RECQL5: variants seen among roughly 807,000 people sequenced by gnomAD.
RECQL5 encodes ATP-dependent DNA helicase Q5.
Under a neutral mutation model 103.4 loss-of-function variants are expected in RECQL5, and 88 were observed. The observed-to-expected ratio is 0.85, with a 90% CI of 0.72 to 1.02. The LOEUF (loss-of-function observed/expected upper bound fraction) is 1.02. RECQL5 is among the 50% of genes least tolerant of loss of function. The probability of loss-of-function intolerance (pLI) is 0.00; values close to 1 mark genes in which losing one functional copy is unlikely to be tolerated. For synonymous variants in RECQL5, 552 were observed against 507.9 expected, an observed-to-expected ratio of 1.09 and a Z score of -1.17; for missense variants, 1,232 against 1,284.3, an observed-to-expected ratio of 0.96 and a Z score of 0.62.
intron 7 of RECQL5, among the ~76,000 whole-genome samples, chr17:75,657,554 A>G (rs1449120967): frequency 6.6e-6 from 1 of 152,102 alleles, no homozygotes; most frequent in East Asian, 1.9e-4. Flanking sequence ...TCATGAGACC[A>G]GTCTGGGCAC....
chr17:75,663,393 T>C (rs1013497207), intron 3 of RECQL5, among the ~76,000 whole-genome samples: 1 of 151,868 alleles, frequency 6.6e-6, no homozygotes, highest in South Asian at 2.1e-4. Flanking sequence ...AAAAAATATA[T>C]ATTAAAAATA....
intron 8 of RECQL5, among the ~76,000 whole-genome samples, chr17:75,635,405 A>T (rs1420683736): frequency 6.6e-6 from 1 of 152,166 alleles, no homozygotes; most frequent in Non-Finnish European, 1.5e-5. Flanking sequence ...TCTCCAACAC[A>T]GTCCCTGAAC....
Position 75,628,272 on chromosome 17 carries a change from A to T in RECQL5, c.2751T>A (p.Asn917Lys). The part of the protein sequence containing the change: ...APGVSLKEAA[N>K]VVVKCLTPFY... The stretch of plus-strand genomic sequence containing the variant: ...AAGGGGTGAGGCACTTGACCACAAC[A>T]TTTGCAGCCTCCTTCAAGGAGACGC... Residue 917 changes from asparagine (N) to lysine (K), a missense_variant, in exon 18 of 20, where the codon AAT (asparagine) becomes AAA (lysine). By Grantham distance (94) the Asn-to-Lys change is moderately conservative. Coordinates refer to ENST00000317905, the MANE Select transcript of RECQL5 (RefSeq NM_004259.7). The T allele has an allele frequency of 6.2e-7, 1 of 1,614,052 alleles. No homozygotes were observed. The highest frequency in any genetic ancestry group is 8.5e-7 in the Non-Finnish European group (1 of 1,180,012).
chr17:75,664,545 T>G (rs1181461674), intron 3 of RECQL5, among the ~76,000 whole-genome samples: 1 of 152,124 alleles, frequency 6.6e-6, no homozygotes. Flanking sequence ...CAGAGTGATA[T>G]GCACCAGTGG....
At chr17:75,629,543 A>G in intron 15 of RECQL5, 68 bp from the exon 16 acceptor site, 1 of 1,498,394 alleles carries the variant, frequency 6.7e-7, no homozygotes, top group Non-Finnish European at 8.9e-7. Context: ...CGCTGGCTGG[A>G]GCAGTAACTC....
In RECQL5 at chr17:75,635,697, AC is replaced by A. The variant is rs1054766299; in HGVS notation, c.1230-4030del. 24 of 706,416 alleles carry A rather than the reference AC, an allele frequency of 3.4e-5. No homozygotes were observed. The African/African-American group carries it at 4.6e-4, about 14-fold the overall frequency. The allele number at this position is 706,416 out of a possible 1,614,324, so 43.8% of individuals were successfully genotyped here. On this transcript the variant is annotated intron_variant, in intron 8 of 19. Coordinates refer to ENST00000317905, the MANE Select transcript of RECQL5 (RefSeq NM_004259.7). ...GTCAGTTATGCCTCCTTCTAGGTGG[AC>A]CTCAAACGAGATAATGCCCAACAGG...
At chr17:75,641,034 G>A in intron 8 of RECQL5, 1 of 1,418,812 alleles carries the variant, frequency 7.0e-7, no homozygotes, top group Non-Finnish European at 9.3e-7. Context: ...CCAGGTACCT[G>A]GACACTGACA....
In RECQL5 at chr17:75,629,759, C is replaced by T. The variant is rs375763392; in HGVS notation, c.1896G>A (p.Glu632=). 3 of 1,613,430 alleles carry T rather than the reference C, an allele frequency of 1.9e-6. No individual in the cohort carries two copies. Among genetic ancestry groups the T allele is most frequent in the Non-Finnish European group, 1.7e-6 (2 of 1,179,766 alleles). The change falls in exon 15 of 20, where the codon GAG becomes GAA. Residue 632 remains glutamate, a synonymous_variant. Coordinates refer to ENST00000317905, the MANE Select transcript of RECQL5 (RefSeq NM_004259.7). ...GSAKSCSAQA[E]PPEPNEYDIP... ...TGTCATACTCATTGGGCTCCGGGGG[C>T]TCAGCTTGGGCACTGCAGCTCTTGG... is the stretch of plus-strand genomic sequence containing the variant.
At position 75,626,883 on chromosome 17, in the gene RECQL5, C is replaced by T; in HGVS notation, c.*539G>A. 2.7e-6 allele frequency: 1 copy of T among 372,534 alleles called. No individual in the cohort carries two copies. The highest frequency in any genetic ancestry group is 6.4e-5 in the East Asian group (1 of 15,558). The allele number at this position is 372,534 out of a possible 1,614,324, so 23.1% of individuals were successfully genotyped here. A position where few individuals can be genotyped will look rare whatever the true frequency, so the allele number is the denominator to read the frequency against. On this transcript the variant is annotated 3_prime_UTR_variant, in exon 20 of 20. Transcript: ENST00000317905. Reference sequence around the variant, plus strand: ...TGCACGCCTGCATGCCCCACAACAACACAACTTTATTCCTCTCCCAAACAT... The same window carrying T: ...TGCACGCCTGCATGCCCCACAACAATACAACTTTATTCCTCTCCCAAACAT...
At chr17:75,649,938 T>A in intron 8 of RECQL5, 3 of 985,582 alleles carry the variant, frequency 3.0e-6, no homozygotes, top group Non-Finnish European at 3.6e-6. Context: ...CAGAGGCCCT[T>A]GGGAGGACCT....
intron 8 of RECQL5, among the ~76,000 whole-genome samples, chr17:75,644,216 A>C (rs771569448): frequency 2.6e-5 from 4 of 152,064 alleles, no homozygotes; most frequent in Non-Finnish European, 4.4e-5. Flanking sequence ...GAAGCAGGAG[A>C]ATTGCTTGAA....
In RECQL5 at chr17:75,631,613, T is replaced by C; in HGVS notation, c.1285A>G (p.Lys429Glu). The C allele has an allele frequency of 6.2e-7, 1 of 1,612,620 alleles. No individual in the cohort carries two copies. The highest frequency in any genetic ancestry group is 8.5e-7 in the Non-Finnish European group (1 of 1,179,850). The change falls in exon 9 of 20, where the codon AAA becomes GAA. Residue 429 changes from lysine (K) to glutamate (E), a missense_variant. Transcript: ENST00000317905. ...YFGDALPACAKGCDHCQNPTA... is the reference protein window; with the variant it reads ...YFGDALPACAEGCDHCQNPTA... Reference sequence around the variant, plus strand: ...GGGTTCTGGCAGTGGTCGCAGCCTTTGGCGCAGGCAGGCAGCGCATCCCCG... The same window carrying C: ...GGGTTCTGGCAGTGGTCGCAGCCTTCGGCGCAGGCAGGCAGCGCATCCCCG...
intron 7 of RECQL5, among the ~76,000 whole-genome samples, chr17:75,654,850 T>C (rs1323688313): frequency 1.3e-5 from 2 of 152,166 alleles, no homozygotes; most frequent in Non-Finnish European, 2.9e-5. Flanking sequence ...TGGAGTGCAA[T>C]GGTATGATCT....
In RECQL5 at chr17:75,640,466, G is replaced by A. The variant is rs1348530332; in HGVS notation, c.1230-8798C>T. 1.9e-5 allele frequency: 26 copies of A among 1,336,816 alleles called. No homozygotes were observed. The Middle Eastern group carries it at 8.5e-4, about 44-fold the overall frequency. The allele number at this position is 1,336,816 out of a possible 1,614,324, so 82.8% of individuals were successfully genotyped here. A position where few individuals can be genotyped will look rare whatever the true frequency, so the allele number is the denominator to read the frequency against. On this transcript the variant is annotated intron_variant, in intron 8 of 19. Transcript: ENST00000317905. The surrounding 1 kb of genome is among the most constrained non-coding windows in gnomAD (Gnocchi z 4.6). ...GAAAACCAGTTGTCCCTTGGGGGAA[G>A]CCAAGGGACTTCCCTCATCCTCTGA... is the stretch of plus-strand genomic sequence containing the variant.
At chr17:75,656,579 T>G (rs944744477) in intron 7 of RECQL5, among the ~76,000 whole-genome samples, 3 of 152,120 alleles carry the variant, frequency 2.0e-5, no homozygotes, top group African/African-American at 7.2e-5. Flanking sequence ...CTTTAAACTA[T>G]TTCTCTTATA....
At chr17:75,633,114 C>T (rs1451713512) in intron 8 of RECQL5, among the ~76,000 whole-genome samples, 2 of 152,370 alleles carry the variant, frequency 1.3e-5, no homozygotes, top group East Asian at 1.9e-4. Flanking sequence ...CCTGCCCCCA[C>T]TCTGCTCCAA....
intron 8 of RECQL5, chr17:75,649,707 C>T: frequency 2.0e-6 from 2 of 985,490 alleles, no homozygotes; most frequent in Non-Finnish European, 2.4e-6. Context: ...GAACAGTAGC[C>T]AATACAGACA....
chr17:75,630,627 G>T lies in RECQL5; in HGVS notation c.1710C>A (p.Thr570=). ...ALSSNRQSTR[T]ADEADLRAKA... is the part of the protein sequence containing the mutation. ...GTGATCGTGGAACTCACTCATCAGC[G>T]GTACGTGTTGACTGGCGGTTGCTGC... The change falls in exon 13 of 20, where the codon ACC becomes ACA. Residue 570 remains threonine, a synonymous_variant. Coordinates refer to ENST00000317905, the MANE Select transcript of RECQL5 (RefSeq NM_004259.7). 6.2e-7 allele frequency: 1 copy of T among 1,613,594 alleles called. No homozygotes were observed. Among genetic ancestry groups the T allele is most frequent in the Non-Finnish European group, 8.5e-7 (1 of 1,179,776 alleles).
Position 75,640,007 on chromosome 17 carries a change from C to A in RECQL5, c.1230-8339G>T. The stretch of plus-strand genomic sequence containing the variant: ...CTGAGCTGTGTCAGCTGGGTGGGGA[C>A]TGAGGGCCACCACTAGGTGGAAGTC... On this transcript the variant is annotated intron_variant, in intron 8 of 19. Coordinates refer to ENST00000317905, the MANE Select transcript of RECQL5 (RefSeq NM_004259.7). This position sits in a 1 kb window ranked among gnomAD's most constrained non-coding sequence, Gnocchi z 4.6. The A allele has an allele frequency of 1.4e-6, 1 of 706,112 alleles. No homozygotes were observed. The highest frequency in any genetic ancestry group is 2.2e-6 in the Non-Finnish European group (1 of 449,684). The allele number at this position is 706,112 out of a possible 1,614,324, so 43.7% of individuals were successfully genotyped here. A position where few individuals can be genotyped will look rare whatever the true frequency, so the allele number is the denominator to read the frequency against.
Sources: gnomAD v4.1 joint callset for allele counts (sites outside exome capture counted in the v4.1 genomes callset) on GRCh38, gnomAD v4.1.1 for gene constraint, Gnocchi (gnomAD v3.1) non-coding constraint, MANE v1.5 for transcripts, NCBI Gene and HGNC (gene_info 2026-07-23, HGNC 2026-07-21) for gene names.